ST14: variants seen among roughly 807,000 people sequenced by gnomAD.
The protein encoded by ST14 is suppressor of tumorigenicity 14 protein.
ST14 carries 40 observed loss-of-function variants against 96.5 expected under a neutral mutation model. The ratio of observed to expected loss-of-function variants is 0.41; its 90% CI spans 0.32 to 0.54. ST14 has a LOEUF of 0.54. Ranked by LOEUF, ST14 falls within the 20% of genes least tolerant of loss-of-function variation. The pLI is 0.17. For synonymous variants in ST14, 506 were observed against 492.1 expected, an observed-to-expected ratio of 1.03 and a Z score of -0.37; for missense variants, 1,066 against 1,188.9, an observed-to-expected ratio of 0.90 and a Z score of 1.52.
In ST14 at chr11:130,196,194, C is replaced by CAAACAAACAAAA. The variant is rs200271755; in HGVS notation, c.1114-144_1114-143insAACAAACAAAAA. The stretch of plus-strand genomic sequence containing the variant: ...ACAAACAAACAAACAAACAAACAAA[C>CAAACAAACAAAA]ACGCTGGGAGAACTTTGCAACCTGT... On this transcript the variant is annotated intron_variant, in intron 9 of 18. Coordinates refer to ENST00000278742, the MANE Select transcript of ST14 (RefSeq NM_021978.4). 3 of 698,748 alleles carry CAAACAAACAAAA rather than the reference C, an allele frequency of 4.3e-6. 1 individual carries two copies. Among genetic ancestry groups the CAAACAAACAAAA allele is most frequent in the Non-Finnish European group, 7.7e-6 (3 of 392,110 alleles). 43.3% of individuals were successfully genotyped at this position (698,748 alleles called of 1,614,324 possible). A position where few individuals can be genotyped will look rare whatever the true frequency, so the allele number is the denominator to read the frequency against.
chr11:130,200,147 T>C lies in ST14; in HGVS notation c.1994+10T>C, dbSNP rs572048817. 6.2e-7 allele frequency: 1 copy of C among 1,613,984 alleles called. No homozygotes were observed. The highest frequency in any genetic ancestry group is 1.1e-5 in the South Asian group (1 of 91,056). On this transcript the variant is annotated intron_variant, in intron 16 of 18. Transcript: ENST00000278742. ...ATGACAGAGGATTCAGGTGGGTCTCTGGGTGGGCAGCAGGGAGCCTCCTTG... is the reference window on the plus strand; with the variant it reads ...ATGACAGAGGATTCAGGTGGGTCTCCGGGTGGGCAGCAGGGAGCCTCCTTG...
At chr11:130,175,700 C>T (rs1220094492) in intron 1 of ST14, among the ~76,000 whole-genome samples, 18 of 140,142 alleles carry the variant, frequency 1.3e-4, no homozygotes, top group Admixed American at 1.3e-3. Context: ...CTCACTCTTT[C>T]TTGCCCAGGC....
intron 1 of ST14, among the ~76,000 whole-genome samples, chr11:130,164,148 C>A (rs1953023778): frequency 6.6e-6 from 1 of 152,222 alleles, no homozygotes; most frequent in African/African-American, 2.4e-5. Flanking sequence ...GGAAACGTGA[C>A]AGAGTCCCCT....
chr11:130,177,433 G>A (rs978792319), intron 1 of ST14, among the ~76,000 whole-genome samples: 2 of 151,948 alleles, frequency 1.3e-5, no homozygotes, highest in African/African-American at 4.8e-5. Context: ...TGCGGTGGCA[G>A]GTGCCTGTAA....
rs144099671 is a variant in ST14, at chr11:130,196,660, C to T, written c.1314C>T (p.Thr438=). Reference sequence around the variant, plus strand: ...ACTCAGATCAGTCCTACACCGACACCGGCTTCTTAGCTGAATACCTCTCCT... The same window carrying T: ...ACTCAGATCAGTCCTACACCGACACTGGCTTCTTAGCTGAATACCTCTCCT... The part of the protein sequence containing the change: ...RFHSDQSYTD[T]GFLAEYLSYD... The change falls in exon 11 of 19, where the codon ACC becomes ACT. Residue 438 remains threonine (T), a synonymous_variant. Coordinates refer to ENST00000278742, the MANE Select transcript of ST14 (RefSeq NM_021978.4). 2.4e-4 allele frequency: 393 copies of T among 1,614,198 alleles called. No homozygotes were observed. The highest frequency in any genetic ancestry group is 3.0e-4 in the Non-Finnish European group (355 of 1,180,034).
At position 130,187,014 on chromosome 11, in the gene ST14, G is replaced by A. The variant is rs1953243909; in HGVS notation, c.82-1100G>A. ...AGGAGTGAGGAGAATCTTTCATGCA[G>A]TGAGTTGATAATGGGTAAATGTGAC... On this transcript the variant is annotated intron_variant, in intron 1 of 18. Coordinates refer to ENST00000278742, the MANE Select transcript of ST14 (RefSeq NM_021978.4). This position sits in a 1 kb window ranked among gnomAD's most constrained non-coding sequence, Gnocchi z 4.5. 6.6e-6 allele frequency among the ~76,000 whole-genome samples: 1 copy of A among 152,218 alleles called. No homozygotes were observed.
At chr11:130,206,820 G>A (rs1375742549) in intron 16 of ST14, among the ~76,000 whole-genome samples, 2 of 152,020 alleles carry the variant, frequency 1.3e-5, no homozygotes, top group Admixed American at 6.5e-5. Flanking sequence ...CACCCACCTC[G>A]GCCTCCCAAA....
chr11:130,199,983 C>T lies in ST14; in HGVS notation c.1840C>T (p.Arg614Cys). 3.1e-6 allele frequency: 5 copies of T among 1,614,216 alleles called. No individual in the cohort carries two copies. Among genetic ancestry groups the T allele is most frequent in the Admixed American group, 3.3e-5 (2 of 60,028 alleles). Residue 614 changes from arginine to cysteine, a missense_variant, in exon 16 of 19, where the codon CGT becomes TGT. Transcript: ENST00000278742. ...GCTGCGGTCATTCACGAGACAGGCT[C>T]GTGTTGTTGGGGGCACGGATGCGGA... is the stretch of plus-strand genomic sequence containing the variant. ...CGLRSFTRQARVVGGTDADEG... is the reference protein window; with the variant it reads ...CGLRSFTRQACVVGGTDADEG...
At chr11:130,206,929 T>C (rs184147196) in intron 16 of ST14, among the ~76,000 whole-genome samples, 1 of 152,180 alleles carries the variant, frequency 6.6e-6, no homozygotes. Flanking sequence ...TCTTTTGAAA[T>C]TACTTTTTAG....
At position 130,197,851 on chromosome 11, in the gene ST14, G is replaced by T; in HGVS notation, c.1365G>T (p.Gly455=). The T allele has an allele frequency of 1.3e-6, 2 of 1,579,360 alleles. No individual in the cohort carries two copies. Among genetic ancestry groups the T allele is most frequent in the Non-Finnish European group, 1.7e-6 (2 of 1,166,678 alleles). The stretch of plus-strand genomic sequence containing the variant: ...TGCCTGTGCCCGCAGCATGCCCGGG[G>T]CAGTTCACGTGCCGCACGGGGCGGT... ...LSYDSSDPCP[G]QFTCRTGRCI... is the part of the protein sequence containing the mutation. The change falls in exon 12 of 19, where the codon GGG becomes GGT. Residue 455 remains glycine, a synonymous_variant. Coordinates refer to ENST00000278742, the MANE Select transcript of ST14 (RefSeq NM_021978.4).
intron 1 of ST14, among the ~76,000 whole-genome samples, chr11:130,186,766 T>A (rs920917349): frequency 1.3e-5 from 2 of 152,156 alleles, no homozygotes; most frequent in Non-Finnish European, 2.9e-5. Context: ...AAAATCCACA[T>A]TGTCATAATA....
chr11:130,209,854 CG>C lies in ST14; in HGVS notation c.*35del. 6.2e-7 allele frequency: 1 copy of C among 1,610,296 alleles called. No homozygotes were observed. On this transcript the variant is annotated 3_prime_UTR_variant, in exon 19 of 19. Coordinates refer to ENST00000278742, the MANE Select transcript of ST14 (RefSeq NM_021978.4). ...GGGGCCACCCAAATGTGTACACCTG[CG>C]GGGCCACCCATCGTCCACCCCAGTG...
intron 7 of ST14, among the ~76,000 whole-genome samples, chr11:130,192,907 A>G (rs1022403702): frequency 6.6e-6 from 1 of 152,052 alleles, no homozygotes; most frequent in Non-Finnish European, 1.5e-5. Context: ...AGCAGTGTGG[A>G]CTCTGGAGCT....
intron 1 of ST14, among the ~76,000 whole-genome samples, chr11:130,167,599 C>T (rs1002660698): frequency 2.0e-5 from 3 of 152,156 alleles, no homozygotes; most frequent in Non-Finnish European, 4.4e-5. Flanking sequence ...ATTTGTGGAG[C>T]AAGACAGACC....
chr11:130,170,703 G>A (rs1302088651), intron 1 of ST14, among the ~76,000 whole-genome samples: 3 of 151,902 alleles, frequency 2.0e-5, no homozygotes, highest in Non-Finnish European at 4.4e-5. Flanking sequence ...GGGCCTTTCT[G>A]GCTAGAGCCA....
intron 1 of ST14, among the ~76,000 whole-genome samples, chr11:130,183,122 A>C (rs1953209589): frequency 6.7e-6 from 1 of 150,068 alleles, no homozygotes; most frequent in Non-Finnish European, 1.5e-5. Context: ...ACGCCTGGCT[A>C]ATTTTTTTTG....
At chr11:130,195,662 G>A (rs1320846090) in intron 9 of ST14, among the ~76,000 whole-genome samples, 1 of 152,136 alleles carries the variant, frequency 6.6e-6, no homozygotes, top group African/African-American at 2.4e-5. Flanking sequence ...AGACCAGCCT[G>A]GGCAACATTG....
intron 1 of ST14, among the ~76,000 whole-genome samples, chr11:130,163,121 C>A (rs189352850): frequency 2.0e-5 from 3 of 152,066 alleles, no homozygotes; most frequent in Non-Finnish European, 2.9e-5. Context: ...GCAAGAAGAT[C>A]GTATAGTATC....
chr11:130,174,385 T>G (rs940273268), intron 1 of ST14, among the ~76,000 whole-genome samples: 3 of 152,096 alleles, frequency 2.0e-5, no homozygotes, highest in Non-Finnish European at 2.9e-5. Flanking sequence ...AGAGGAAAAT[T>G]TATCAAAAAC....
Sources: gnomAD v4.1 joint callset for allele counts (sites outside exome capture counted in the v4.1 genomes callset) on GRCh38, gnomAD v4.1.1 for gene constraint, Gnocchi (gnomAD v3.1) non-coding constraint, MANE v1.5 for transcripts, NCBI Gene and HGNC (gene_info 2026-07-23, HGNC 2026-07-21) for gene names.